EPHA7: variants seen among roughly 807,000 people sequenced by gnomAD.
The protein encoded by EPHA7 is ephrin type-A receptor 7.
A neutral mutation model predicts 112.6 loss-of-function variants in EPHA7; 25 were observed. The observed-to-expected ratio is 0.22, with a 90% CI of 0.16 to 0.31. The LOEUF is 0.31. Among genes scored for constraint, EPHA7 ranks in the 10% least tolerant of loss-of-function variants. The pLI is 1.00. For synonymous variants in EPHA7, 437 were observed against 406.5 expected, an observed-to-expected ratio of 1.07 and a Z score of -0.90; for missense variants, 962 against 1,212.6, an observed-to-expected ratio of 0.79 and a Z score of 3.07.
At chr6:93,265,345 T>C (rs1328476089) in intron 7 of EPHA7, among the ~76,000 whole-genome samples, 1 of 151,682 alleles carries the variant, frequency 6.6e-6, no homozygotes, top group Non-Finnish European at 1.5e-5. Context: ...TTTCTGCAAG[T>C]GCTTTAAAAA....
intron 3 of EPHA7, among the ~76,000 whole-genome samples, chr6:93,402,467 C>A (rs351326): frequency 0.057 from 8,635 of 152,066 alleles, 333 homozygotes; most frequent in Middle Eastern, 0.13. Context: ...TACTGTGGAA[C>A]TGGGTCACAG....
At chr6:93,266,757 A>G (rs1762214595) in intron 7 of EPHA7, among the ~76,000 whole-genome samples, 1 of 151,606 alleles carries the variant, frequency 6.6e-6, no homozygotes, top group African/African-American at 2.4e-5. Flanking sequence ...ATATCACTGG[A>G]CCATGCATTC....
chr6:93,349,809 T>C (rs1775599556), intron 5 of EPHA7, among the ~76,000 whole-genome samples: 1 of 151,914 alleles, frequency 6.6e-6, no homozygotes, highest in Non-Finnish European at 1.5e-5. Flanking sequence ...TTGATGTGTG[T>C]CCATTAAATC....
chr6:93,378,234 C>A (rs1423418784), intron 3 of EPHA7, among the ~76,000 whole-genome samples: 2 of 151,632 alleles, frequency 1.3e-5, no homozygotes, highest in African/African-American at 2.4e-5. Context: ...GGAAGAGAGG[C>A]AAAGGTCAGA....
intron 5 of EPHA7, among the ~76,000 whole-genome samples, chr6:93,333,886 A>C (rs1352042928): frequency 6.6e-6 from 1 of 152,036 alleles, no homozygotes; most frequent in African/African-American, 2.4e-5. Context: ...CAACTTACAG[A>C]TTCAGTGTTA....
At chr6:93,386,463 G>A (rs1361745565) in intron 3 of EPHA7, among the ~76,000 whole-genome samples, 1 of 152,166 alleles carries the variant, frequency 6.6e-6, no homozygotes, top group Non-Finnish European at 1.5e-5. Flanking sequence ...GCTGATGTAA[G>A]AGGGGGGCTC....
chr6:93,369,148 GAAA>G (rs1245946931), intron 3 of EPHA7, among the ~76,000 whole-genome samples: 3 of 138,574 alleles, frequency 2.2e-5, no homozygotes, highest in African/African-American at 8.2e-5. Flanking sequence ...AGCTGGCAAA[GAAA>G]AAGAAAGAAA....
chr6:93,408,769 T>C (rs1778836811), intron 3 of EPHA7, among the ~76,000 whole-genome samples: 1 of 152,088 alleles, frequency 6.6e-6, no homozygotes. Context: ...AGGTATTTGC[T>C]CAGTTACTCC....
intron 5 of EPHA7, among the ~76,000 whole-genome samples, chr6:93,274,708 G>A (rs1395358761): frequency 6.6e-6 from 1 of 151,684 alleles, no homozygotes; most frequent in East Asian, 1.9e-4. Context: ...ACTAGCACAT[G>A]GCCCTTGAGA....
At chr6:93,335,042 C>T (rs1227584005) in intron 5 of EPHA7, among the ~76,000 whole-genome samples, 2 of 152,000 alleles carry the variant, frequency 1.3e-5, no homozygotes, top group Non-Finnish European at 2.9e-5. Flanking sequence ...GTTGTCTCAC[C>T]CAGCAACTGT....
intron 5 of EPHA7, among the ~76,000 whole-genome samples, chr6:93,321,688 T>C (rs1035520130): frequency 4.0e-5 from 6 of 151,870 alleles, no homozygotes; most frequent in African/African-American, 1.2e-4. Context: ...AGGGAAGTGA[T>C]TACTCCTTAT....
At chr6:93,254,930 T>C (rs1770370652) in intron 13 of EPHA7, 134 bp from the exon 14 acceptor site, 1 of 596,118 alleles carries the variant, frequency 1.7e-6, no homozygotes, top group Non-Finnish European at 2.8e-6. Context: ...TGAATCTCTA[T>C]GCGTATTTAA....
In EPHA7 at chr6:93,411,162, T is replaced by G; in HGVS notation, c.171A>C (p.Glu57Asp). ...TATAGTTCTCATCCAAACCACTAAT[T>G]TCTTCCCACTGTAAAATTTGAAAAA... ...WISSPPNGWE[E>D]ISGLDENYTP... is the part of the protein sequence containing the mutation. Residue 57 changes from glutamate (E) to aspartate (D), a missense_variant, in exon 3 of 17, where the codon GAA becomes GAC. This residue lies in a region of EPHA7 where 160 missense variants were observed against 263.6 expected (regional missense o/e 0.61). Coordinates refer to ENST00000369303, the MANE Select transcript of EPHA7 (RefSeq NM_004440.4). 6.2e-7 allele frequency: 1 copy of G among 1,600,664 alleles called. No homozygotes were observed. The highest frequency in any genetic ancestry group is 8.5e-7 in the Non-Finnish European group (1 of 1,173,694).
At chr6:93,386,420 C>T (rs1392079753) in intron 3 of EPHA7, among the ~76,000 whole-genome samples, 1 of 152,180 alleles carries the variant, frequency 6.6e-6, no homozygotes, top group Non-Finnish European at 1.5e-5. Flanking sequence ...CCAAAATGAT[C>T]TCTTTTGACT....
In EPHA7 at chr6:93,269,588, C is replaced by T. The variant is rs2127877583; in HGVS notation, c.1522G>A (p.Gly508Arg). The T allele has an allele frequency of 1.2e-6, 2 of 1,604,584 alleles. No homozygotes were observed. Among genetic ancestry groups the T allele is most frequent in the Non-Finnish European group, 8.5e-7 (1 of 1,175,362 alleles). Residue 508 changes from glycine to arginine, a missense_variant, in exon 7 of 17, where the codon GGA becomes AGA. Coordinates refer to ENST00000369303, the MANE Select transcript of EPHA7 (RefSeq NM_004440.4). ...CGAATCTGGAAAACATACACTGTTC[C>T]TGGTTTCAGATTATTAATGGAGGCT... is the stretch of plus-strand genomic sequence containing the variant. The part of the protein sequence containing the change: ...TSASINNLKP[G>R]TVYVFQIRAF...
Position 93,419,504 on chromosome 6 carries a change from C to G in EPHA7, c.-163G>C, listed in dbSNP as rs1419564479. Reference sequence around the variant, plus strand: ...ACGTTTAGCTTTTTTTAATTTCCCCCCCACTCCTGTTCGCTCGCACCGTGT... The same window carrying G: ...ACGTTTAGCTTTTTTTAATTTCCCCGCCACTCCTGTTCGCTCGCACCGTGT... On this transcript the variant is annotated 5_prime_UTR_variant, in exon 1 of 17. Coordinates refer to ENST00000369303, the MANE Select transcript of EPHA7 (RefSeq NM_004440.4). 4 of 596,272 alleles carry G rather than the reference C, an allele frequency of 6.7e-6. No individual in the cohort carries two copies. The highest frequency in any genetic ancestry group is 1.2e-5 in the Non-Finnish European group (4 of 344,816). The allele number at this position is 596,272 out of a possible 1,614,324, so 36.9% of individuals were successfully genotyped here.
At chr6:93,353,291 A>T (rs573507210) in intron 5 of EPHA7, among the ~76,000 whole-genome samples, 1 of 152,268 alleles carries the variant, frequency 6.6e-6, no homozygotes, top group Non-Finnish European at 1.5e-5. Flanking sequence ...ACAAAAATGT[A>T]TGGTTCAGCC....
intron 5 of EPHA7, among the ~76,000 whole-genome samples, chr6:93,344,595 G>T (rs1452261635): frequency 3.3e-5 from 5 of 151,522 alleles, no homozygotes; most frequent in Non-Finnish European, 7.4e-5. Flanking sequence ...CATAGTGTCA[G>T]GCTTTGCTTT....
chr6:93,376,605 C>T (rs1777070877), intron 3 of EPHA7, among the ~76,000 whole-genome samples: 1 of 152,116 alleles, frequency 6.6e-6, no homozygotes, highest in Admixed American at 6.6e-5. Context: ...CGTGTCCTTC[C>T]CTTATAAAAT....
Sources: allele counts gnomAD v4.1 joint callset (sites outside exome capture counted in the v4.1 genomes callset), GRCh38; gene constraint gnomAD v4.1.1; regional missense constraint gnomAD v4.1.1; transcripts MANE v1.5; gene names NCBI Gene and HGNC (gene_info 2026-07-23, HGNC 2026-07-21).